The following NKAIN2 variants were observed in gnomAD, a reference collection of about 807,000 sequenced individuals.
The protein encoded by NKAIN2 is sodium/potassium-transporting ATPase subunit beta-1-interacting protein 2.
NKAIN2 carries 14 observed loss-of-function variants against 32.6 expected under a neutral mutation model. The ratio of observed to expected loss-of-function variants is 0.43; its 90% CI spans 0.28 to 0.67. NKAIN2 has a LOEUF of 0.67. Ranked by LOEUF, NKAIN2 falls within the 30% of genes least tolerant of loss-of-function variation. The pLI is 0.17. For synonymous variants in NKAIN2, 80 were observed against 87.2 expected (o/e 0.92, Z 0.46); for missense variants, 198 against 258.3 (o/e 0.77, Z 1.60).
At chr6:124,116,321 T>C (rs952407973) in intron 1 of NKAIN2, among the ~76,000 whole-genome samples, 2 of 152,130 alleles carry the variant, frequency 1.3e-5, no homozygotes, top group Non-Finnish European at 2.9e-5. Context: ...TTGTACCTTC[T>C]GGTTTATGGG....
At chr6:124,561,412 G>A (rs1202985994) in intron 3 of NKAIN2, among the ~76,000 whole-genome samples, 1 of 152,140 alleles carries the variant, frequency 6.6e-6, no homozygotes, top group African/African-American at 2.4e-5. Flanking sequence ...GCAGCATTGT[G>A]AAGTGTCATA....
At chr6:124,723,391 A>G (rs1659295559) in intron 4 of NKAIN2, among the ~76,000 whole-genome samples, 1 of 151,772 alleles carries the variant, frequency 6.6e-6, no homozygotes, top group South Asian at 2.1e-4. Context: ...TATCACATAT[A>G]TAATGATATC....
intron 4 of NKAIN2, among the ~76,000 whole-genome samples, chr6:124,713,680 G>A (rs1775610431): frequency 6.6e-6 from 1 of 152,126 alleles, no homozygotes; most frequent in African/African-American, 2.4e-5. Context: ...GTGTTAGGGT[G>A]GCTGTCTTCA....
At chr6:123,885,582 A>C (rs900796024) in intron 1 of NKAIN2, among the ~76,000 whole-genome samples, 1 of 152,122 alleles carries the variant, frequency 6.6e-6, no homozygotes, top group Non-Finnish European at 1.5e-5. Context: ...ATCGTGGATA[A>C]TGGAGTTTTA....
chr6:124,437,166 A>G (rs1040835323), intron 3 of NKAIN2, among the ~76,000 whole-genome samples: 6 of 152,158 alleles, frequency 3.9e-5, no homozygotes, highest in African/African-American at 1.4e-4. Context: ...ATTTTTTTCC[A>G]TAACACTTAA....
chr6:124,402,623 C>A (rs1179671469), intron 3 of NKAIN2, among the ~76,000 whole-genome samples: 1 of 152,174 alleles, frequency 6.6e-6, no homozygotes. Flanking sequence ...CACACACACA[C>A]AAAACAAACA....
intron 3 of NKAIN2, among the ~76,000 whole-genome samples, chr6:124,652,146 C>T (rs1327135451): frequency 6.6e-6 from 1 of 152,160 alleles, no homozygotes; most frequent in Admixed American, 6.5e-5. Flanking sequence ...TCTTAAATTC[C>T]ATCTTCCATA....
At chr6:124,756,648 A>C (rs538492085) in intron 4 of NKAIN2, among the ~76,000 whole-genome samples, 1 of 9,426 alleles carries the variant, frequency 1.1e-4, no homozygotes, top group African/African-American at 1.2e-4. Context: ...AACAAATGCA[A>C]TTTTTAAAAA....
chr6:124,247,821 A>G (rs1330582479), intron 1 of NKAIN2, among the ~76,000 whole-genome samples: 1 of 152,104 alleles, frequency 6.6e-6, no homozygotes, highest in African/African-American at 2.4e-5. Context: ...CAGTGGACTG[A>G]ATTTTTTCAC....
At chr6:124,370,188 A>G (rs1324038737) in intron 3 of NKAIN2, among the ~76,000 whole-genome samples, 2 of 151,280 alleles carry the variant, frequency 1.3e-5, no homozygotes, top group African/African-American at 4.9e-5. Context: ...ATACCGTGCT[A>G]CTAGATGCAA....
chr6:124,011,942 C>A (rs1230891752), intron 1 of NKAIN2, among the ~76,000 whole-genome samples: 1 of 152,164 alleles, frequency 6.6e-6, no homozygotes, highest in African/African-American at 2.4e-5. Flanking sequence ...GGACAGAATT[C>A]AAATCTGCAA....
chr6:124,812,637 T>C (rs898465293), intron 5 of NKAIN2, among the ~76,000 whole-genome samples: 4 of 152,124 alleles, frequency 2.6e-5, no homozygotes, highest in Non-Finnish European at 5.9e-5. Context: ...TAGAGTTACA[T>C]TTCCCTTTTC....
At chr6:123,851,395 A>G (rs1775342546) in intron 1 of NKAIN2, among the ~76,000 whole-genome samples, 1 of 151,692 alleles carries the variant, frequency 6.6e-6, no homozygotes, top group Non-Finnish European at 1.5e-5. Flanking sequence ...GATTACAGGC[A>G]TGCGCCACCA....
chr6:124,598,263 TATC>T (rs1372645340), intron 3 of NKAIN2, among the ~76,000 whole-genome samples: 3 of 152,166 alleles, frequency 2.0e-5, no homozygotes, highest in Non-Finnish European at 4.4e-5. Context: ...AAATTGTAAT[TATC>T]ATCTTTCTCT....
At chr6:124,321,217 C>T (rs1797173201) in intron 2 of NKAIN2, among the ~76,000 whole-genome samples, 1 of 152,128 alleles carries the variant, frequency 6.6e-6, no homozygotes. Flanking sequence ...AATCCCCATT[C>T]CCCCTTTATT....
At chr6:123,852,467 C>T (rs1418941533) in intron 1 of NKAIN2, among the ~76,000 whole-genome samples, 1 of 152,142 alleles carries the variant, frequency 6.6e-6, no homozygotes, top group Non-Finnish European at 1.5e-5. Context: ...CACTGTTTTA[C>T]TCTCTAACTA....
chr6:124,723,734 A>T (rs1776139330), intron 4 of NKAIN2, among the ~76,000 whole-genome samples: 2 of 152,228 alleles, frequency 1.3e-5, no homozygotes, highest in African/African-American at 4.8e-5. Flanking sequence ...TCAAGATTTG[A>T]ATTAAGAAGC....
chr6:124,206,418 AT>A (rs1790889566), intron 1 of NKAIN2, among the ~76,000 whole-genome samples: 1 of 151,932 alleles, frequency 6.6e-6, no homozygotes, highest in Non-Finnish European at 1.5e-5. Flanking sequence ...AGTTTGTTAG[AT>A]TGTAATATAC....
intron 3 of NKAIN2, among the ~76,000 whole-genome samples, chr6:124,643,157 TG>T (rs1441274935): frequency 6.6e-6 from 1 of 152,216 alleles, no homozygotes; most frequent in Non-Finnish European, 1.5e-5. Flanking sequence ...ATGGTGCTTG[TG>T]GTCTCTTACT....
Sources: gnomAD v4.1 joint callset for allele counts (sites outside exome capture counted in the v4.1 genomes callset) on GRCh38, gnomAD v4.1.1 for gene constraint, MANE v1.5 for transcripts, NCBI Gene and HGNC (gene_info 2026-07-23, HGNC 2026-07-21) for gene names.